The following ATXN1 variants were observed in gnomAD, a reference collection of about 807,000 sequenced individuals.
ATXN1 encodes ataxin-1.
Under a neutral mutation model 56.4 loss-of-function variants are expected in ATXN1, and 8 were observed. That is an observed-to-expected ratio of 0.14 (90% CI 0.08 to 0.26). The LOEUF is 0.26. ATXN1 is among the 10% of genes least tolerant of loss of function. The pLI is 1.00. For synonymous variants in ATXN1, 514 were observed against 494.6 expected (o/e 1.04, Z -0.52); for missense variants, 987 against 1,106.5 (o/e 0.89, Z 1.53).
chr6:16,360,317 G>C (rs1311406519), intron 6 of ATXN1, among the ~76,000 whole-genome samples: 4 of 152,170 alleles, frequency 2.6e-5, no homozygotes, highest in Non-Finnish European at 5.9e-5. Context: ...TTTTAAAGTA[G>C]GGGAACAGAT....
At chr6:16,690,527 G>A (rs189115175) in intron 2 of ATXN1, among the ~76,000 whole-genome samples, 1 of 152,210 alleles carries the variant, frequency 6.6e-6, no homozygotes, top group Admixed American at 6.5e-5. Context: ...AGTGTTAGAA[G>A]TCCCAACACA....
chr6:16,448,375 C>A (rs573425220), intron 6 of ATXN1, among the ~76,000 whole-genome samples: 1 of 152,262 alleles, frequency 6.6e-6, no homozygotes, highest in South Asian at 2.1e-4. Flanking sequence ...TCTCTTCATT[C>A]ATCACAGCTG....
intron 4 of ATXN1, among the ~76,000 whole-genome samples, chr6:16,533,775 T>A (rs1187189105): frequency 6.6e-6 from 1 of 152,192 alleles, no homozygotes; most frequent in Non-Finnish European, 1.5e-5. Flanking sequence ...TGCTTTTAGG[T>A]GACTCGTTTG....
intron 2 of ATXN1, among the ~76,000 whole-genome samples, chr6:16,693,498 A>AATCTCTATT (rs1274531366): frequency 1.3e-5 from 2 of 152,326 alleles, no homozygotes; most frequent in Non-Finnish European, 2.9e-5. Context: ...CAAAGAGGTC[A>AATCTCTATT]ATCTCTATTC....
intron 1 of ATXN1, among the ~76,000 whole-genome samples, chr6:16,759,292 G>A (rs1251561750): frequency 6.6e-6 from 1 of 152,194 alleles, no homozygotes; most frequent in African/African-American, 2.4e-5. Flanking sequence ...GTGCATGCAC[G>A]ACAGGATGTG....
intron 6 of ATXN1, among the ~76,000 whole-genome samples, chr6:16,344,544 G>T (rs559160266): frequency 3.9e-5 from 6 of 152,322 alleles, no homozygotes; most frequent in African/African-American, 1.4e-4. Flanking sequence ...TCTCGTGCTG[G>T]ATGCTTCCTG....
chr6:16,663,477 C>T (rs1214800149), intron 2 of ATXN1, among the ~76,000 whole-genome samples: 1 of 152,036 alleles, frequency 6.6e-6, no homozygotes, highest in East Asian at 1.9e-4. Flanking sequence ...GTGGCATAGA[C>T]ATGTGAAATA....
Position 16,306,608 on chromosome 6 carries a change from A to G in ATXN1, c.2169T>C (p.Tyr723=), listed in dbSNP as rs1380923139. The G allele has an allele frequency of 1.2e-6, 2 of 1,614,188 alleles. No individual in the cohort carries two copies. The highest frequency in any genetic ancestry group is 8.5e-7 in the Non-Finnish European group (1 of 1,180,038). Residue 723 remains tyrosine (Y), a synonymous_variant, in exon 8 of 8, where the codon TAT becomes TAC. Transcript: ENST00000436367. The surrounding 1 kb of genome is among the most constrained non-coding windows in gnomAD (Gnocchi z 5.2). ...GGTTGATTCCGTTTTCCTGCTCGGCATACCTGTGTCTGCTGCCCGCCAGGC... is the reference window on the plus strand; with the variant it reads ...GGTTGATTCCGTTTTCCTGCTCGGCGTACCTGTGTCTGCTGCCCGCCAGGC... ...ADGLAGSRHR[Y]AEQENGINQG... is the part of the protein sequence containing the mutation.
intron 2 of ATXN1, among the ~76,000 whole-genome samples, chr6:16,660,921 C>G (rs985657524): frequency 6.7e-6 from 1 of 148,262 alleles, no homozygotes; most frequent in Non-Finnish European, 1.5e-5. Flanking sequence ...TCACTGCAAC[C>G]TCTGCCTTCT....
rs560820630 is a variant in ATXN1 at position 16,618,862 on chromosome 6, C to A, written c.-488-32955G>T. ...GTAAGTAAAATTCAAAGGAAAATAT[C>A]AAAGTGGGAAAAATATTTCCAATAC... On this transcript the variant is annotated intron_variant, in intron 3 of 7. Transcript: ENST00000436367. 4.6e-5 allele frequency among the ~76,000 whole-genome samples: 7 copies of A among 151,226 alleles called. No homozygotes were observed. In the South Asian group the frequency reaches 1.5e-3, roughly 32 times the overall value.
At chr6:16,576,688 G>A (rs1278317489) in intron 4 of ATXN1, among the ~76,000 whole-genome samples, 1 of 152,174 alleles carries the variant, frequency 6.6e-6, no homozygotes, top group African/African-American at 2.4e-5. Flanking sequence ...ATGTAAGAGA[G>A]CATACAGCAG....
chr6:16,608,427 T>A (rs1376660463), intron 3 of ATXN1, among the ~76,000 whole-genome samples: 1 of 152,186 alleles, frequency 6.6e-6, no homozygotes, highest in African/African-American at 2.4e-5. Context: ...TACACTGTGT[T>A]TGGATGTGGG....
intron 6 of ATXN1, among the ~76,000 whole-genome samples, chr6:16,433,593 T>C (rs548043988): frequency 3.9e-5 from 6 of 152,296 alleles, no homozygotes; most frequent in African/African-American, 9.6e-5. Flanking sequence ...TTTAATGCCG[T>C]TGGGGCTACA....
chr6:16,318,885 G>A (rs1760580214), intron 7 of ATXN1, among the ~76,000 whole-genome samples: 1 of 152,136 alleles, frequency 6.6e-6, no homozygotes, highest in Non-Finnish European at 1.5e-5. Context: ...AGGCACACAG[G>A]TTCTAGCTCA....
At chr6:16,611,863 T>TTTTTA (rs1246437139) in intron 3 of ATXN1, among the ~76,000 whole-genome samples, 6 of 131,046 alleles carry the variant, frequency 4.6e-5, no homozygotes. Context: ...TTTTTTTTTT[T>TTTTTA]TTTTTTTTTT....
At chr6:16,470,487 A>G (rs1334267643) in intron 6 of ATXN1, among the ~76,000 whole-genome samples, 1 of 152,206 alleles carries the variant, frequency 6.6e-6, no homozygotes, top group Non-Finnish European at 1.5e-5. Flanking sequence ...GTACTTTACT[A>G]TAATAAAAAA....
At chr6:16,418,485 A>T (rs1758961156) in intron 6 of ATXN1, among the ~76,000 whole-genome samples, 1 of 152,204 alleles carries the variant, frequency 6.6e-6, no homozygotes, top group East Asian at 1.9e-4. Context: ...GTCAAATCAA[A>T]GAAGGAATAG....
At position 16,476,231 on chromosome 6, in the gene ATXN1, C is replaced by A. The variant is rs151091390; in HGVS notation, c.-161+9741G>T. Among the ~76,000 whole-genome samples the A allele has an allele frequency of 2.2e-3, 332 of 152,268 alleles. 1 individual carries two copies. The highest frequency in any genetic ancestry group is 5.5e-3 in the Admixed American group (84 of 15,294). ...ACTTATTCAGGAAGAAGGGTTCTTT[C>A]TACTCTAGTATGCTTCCAGTTATTT... On this transcript the variant is annotated intron_variant, in intron 6 of 7. Coordinates refer to ENST00000436367, the MANE Select transcript of ATXN1 (RefSeq NM_001128164.2).
chr6:16,647,077 T>C (rs1170062671), intron 3 of ATXN1, among the ~76,000 whole-genome samples: 4 of 152,160 alleles, frequency 2.6e-5, no homozygotes, highest in Admixed American at 2.6e-4. Context: ...CCATCTCGGC[T>C]CACTGCAACC....
Sources: gnomAD v4.1 joint callset for allele counts (sites outside exome capture counted in the v4.1 genomes callset) on GRCh38, gnomAD v4.1.1 for gene constraint, Gnocchi (gnomAD v3.1) non-coding constraint, MANE v1.5 for transcripts, NCBI Gene and HGNC (gene_info 2026-07-23, HGNC 2026-07-21) for gene names.